The following CADM2 variants were observed in gnomAD, a reference collection of about 807,000 sequenced individuals.
CADM2 encodes cell adhesion molecule 2.
A neutral mutation model predicts 49.8 loss-of-function variants in CADM2; 12 were observed. That is an observed-to-expected ratio of 0.24 (90% CI 0.15 to 0.39). CADM2 has a LOEUF of 0.39. CADM2 is among the 10% of genes least tolerant of loss of function. The pLI is 1.00. For missense variants in CADM2, 378 were observed against 492.3 expected (o/e 0.77, Z 2.20); for synonymous variants, 214 against 175.4 (o/e 1.22, Z -1.74).
intron 1 of CADM2, among the ~76,000 whole-genome samples, chr3:85,447,017 T>G (rs1576571921): frequency 7.0e-6 from 1 of 142,580 alleles, no homozygotes; most frequent in South Asian, 2.2e-4. Context: ...TATATATATA[T>G]ATATATATAT....
intron 1 of CADM2, among the ~76,000 whole-genome samples, chr3:85,284,758 A>T (rs2043585993): frequency 6.6e-6 from 1 of 152,070 alleles, no homozygotes; most frequent in Non-Finnish European, 1.5e-5. Context: ...GCAGATCATC[A>T]CAGGTTTTGT....
chr3:84,972,218 T>C (rs956096654), intron 1 of CADM2, among the ~76,000 whole-genome samples: 2 of 152,230 alleles, frequency 1.3e-5, no homozygotes, highest in African/African-American at 4.8e-5. Context: ...TCTTTGGTGA[T>C]GTATTGTAGA....
At chr3:85,378,932 A>T (rs566223206) in intron 1 of CADM2, among the ~76,000 whole-genome samples, 1 of 152,146 alleles carries the variant, frequency 6.6e-6, no homozygotes, top group South Asian at 2.1e-4. Flanking sequence ...AAATAAACTC[A>T]GTTATTTTCA....
At chr3:85,839,460 CAT>C (rs969256113) in intron 3 of CADM2, among the ~76,000 whole-genome samples, 117 of 151,140 alleles carry the variant, frequency 7.7e-4, no homozygotes, top group Admixed American at 2.9e-3. Flanking sequence ...ACATGAAAAA[CAT>C]ATGGTTATTA....
chr3:85,157,126 T>A (rs1442806302), intron 1 of CADM2, among the ~76,000 whole-genome samples: 5 of 152,136 alleles, frequency 3.3e-5, no homozygotes, highest in African/African-American at 1.2e-4. Flanking sequence ...GGAATCCAAC[T>A]TACAAGGTAT....
At chr3:85,863,043 T>C (rs1208191390) in intron 3 of CADM2, among the ~76,000 whole-genome samples, 1 of 152,134 alleles carries the variant, frequency 6.6e-6, no homozygotes, top group African/African-American at 2.4e-5. Context: ...AGTAGAGGTG[T>C]CAAGTCAGTT....
At chr3:85,328,022 A>G (rs2044804190) in intron 1 of CADM2, among the ~76,000 whole-genome samples, 1 of 152,172 alleles carries the variant, frequency 6.6e-6, no homozygotes, top group African/African-American at 2.4e-5. Context: ...TTTCAGTCGA[A>G]ATACTTCTTT....
intron 1 of CADM2, among the ~76,000 whole-genome samples, chr3:85,128,494 A>T (rs1355166967): frequency 6.6e-6 from 1 of 152,222 alleles, no homozygotes; most frequent in Non-Finnish European, 1.5e-5. Flanking sequence ...CATTTCTAAC[A>T]ATCCTAGAAG....
intron 1 of CADM2, among the ~76,000 whole-genome samples, chr3:85,642,515 T>C (rs984158680): frequency 6.6e-5 from 10 of 152,158 alleles, no homozygotes; most frequent in African/African-American, 2.2e-4. Context: ...CTGTTGTCAC[T>C]TTTCATTGAA....
At chr3:85,000,675 C>T (rs940333369) in intron 1 of CADM2, among the ~76,000 whole-genome samples, 1 of 151,738 alleles carries the variant, frequency 6.6e-6, no homozygotes, top group African/African-American at 2.4e-5. Flanking sequence ...GAAACAAATT[C>T]ACTCTTGGTT....
chr3:85,183,822 A>G (rs1415357476), intron 1 of CADM2, among the ~76,000 whole-genome samples: 4 of 152,128 alleles, frequency 2.6e-5, no homozygotes, highest in East Asian at 1.9e-4. Context: ...TTGTCTTACT[A>G]TTGTGACAGG....
At chr3:85,719,217 A>C (rs189431262) in intron 1 of CADM2, among the ~76,000 whole-genome samples, 2 of 152,212 alleles carry the variant, frequency 1.3e-5, no homozygotes, top group Non-Finnish European at 2.9e-5. Flanking sequence ...AGTAATTTAC[A>C]CATATGATAA....
At chr3:85,040,241 C>T (rs2035383146) in intron 1 of CADM2, among the ~76,000 whole-genome samples, 1 of 152,106 alleles carries the variant, frequency 6.6e-6, no homozygotes, top group South Asian at 2.1e-4. Flanking sequence ...ATCACTAAAC[C>T]TATAAAGACC....
intron 1 of CADM2, among the ~76,000 whole-genome samples, chr3:85,677,817 A>G (rs1465877409): frequency 6.6e-6 from 1 of 152,194 alleles, no homozygotes; most frequent in East Asian, 1.9e-4. Flanking sequence ...TCTCATCACT[A>G]GAGATAGACA....
chr3:85,782,796 G>T (rs536376111), intron 2 of CADM2, among the ~76,000 whole-genome samples: 2 of 152,060 alleles, frequency 1.3e-5, no homozygotes, highest in Non-Finnish European at 2.9e-5. Context: ...ACTGAATTTG[G>T]ATACAGGTAA....
chr3:86,044,538 G>A (rs1401078798), intron 8 of CADM2, among the ~76,000 whole-genome samples: 13 of 152,172 alleles, frequency 8.5e-5, no homozygotes, highest in South Asian at 2.1e-4. Flanking sequence ...TTAGAATGGC[G>A]ATCATTAAAC....
At chr3:85,183,548 C>T (rs1462953722) in intron 1 of CADM2, among the ~76,000 whole-genome samples, 1 of 152,088 alleles carries the variant, frequency 6.6e-6, no homozygotes, top group Non-Finnish European at 1.5e-5. Flanking sequence ...TGCTGATTAA[C>T]CCCATCCCAC....
At chr3:85,739,143 G>A (rs1379660291) in intron 2 of CADM2, among the ~76,000 whole-genome samples, 2 of 152,008 alleles carry the variant, frequency 1.3e-5, no homozygotes, top group Non-Finnish European at 2.9e-5. Context: ...TAATGGAAAG[G>A]AAGTTTGCAT....
intron 7 of CADM2, among the ~76,000 whole-genome samples, chr3:85,944,118 A>C (rs1216809600): frequency 6.6e-6 from 1 of 152,120 alleles, no homozygotes; most frequent in African/African-American, 2.4e-5. Flanking sequence ...GCAGGGTTGC[A>C]ATCTTAGTCT....
Sources: gnomAD v4.1 joint callset for allele counts (sites outside exome capture counted in the v4.1 genomes callset) on GRCh38, gnomAD v4.1.1 for gene constraint, MANE v1.5 for transcripts, NCBI Gene and HGNC (gene_info 2026-07-23, HGNC 2026-07-21) for gene names.